The following MFHAS1 variants were observed in gnomAD, a reference collection of about 807,000 sequenced individuals.
MFHAS1 encodes the protein malignant fibrous histiocytoma-amplified sequence 1.
A neutral mutation model predicts 70.4 loss-of-function variants in MFHAS1; 50 were observed. The ratio of observed to expected loss-of-function variants is 0.71; its 90% CI spans 0.57 to 0.90. The LOEUF is 0.90. Among genes scored for constraint, MFHAS1 ranks in the 40% least tolerant of loss-of-function variants. The pLI, the probability that MFHAS1 is intolerant of heterozygous loss-of-function variation, is 0.00. For synonymous variants in MFHAS1, 952 were observed against 620.0 expected, an observed-to-expected ratio of 1.54 and a Z score of -7.96; for missense variants, 1,795 against 1,347.6, an observed-to-expected ratio of 1.33 and a Z score of -5.20.
At position 8,797,495 on chromosome 8, in the gene MFHAS1, TAGG is replaced by T. The variant is rs1805948074; in HGVS notation, c.2999-7_2999-5del. On this transcript the variant is annotated splice_region_variant and splice_polypyrimidine_tract_variant and intron_variant, in intron 1 of 2. Transcript: ENST00000276282. The stretch of plus-strand genomic sequence containing the variant: ...CTGGGCTGACTCAGCAACTCCCCTG[TAGG>T]AGGAGAGAGAAAAACGTGTTAGGGA... 6.2e-7 allele frequency: 1 copy of T among 1,612,666 alleles called. No individual in the cohort carries two copies. The highest frequency in any genetic ancestry group is 8.5e-7 in the Non-Finnish European group (1 of 1,179,000).
At position 8,785,694 on chromosome 8, in the gene MFHAS1, C is replaced by T; in HGVS notation, c.*328G>A. On this transcript the variant is annotated 3_prime_UTR_variant, in exon 3 of 3. Coordinates refer to ENST00000276282, the MANE Select transcript of MFHAS1 (RefSeq NM_004225.3). ...ACTGCCACCTGTACTGTAACTATGGCTTATATGTGCACGGAAAACAAAATC... is the reference window on the plus strand; with the variant it reads ...ACTGCCACCTGTACTGTAACTATGGTTTATATGTGCACGGAAAACAAAATC... 3.1e-6 allele frequency: 1 copy of T among 319,590 alleles called. No individual in the cohort carries two copies. The allele number at this position is 319,590 out of a possible 1,614,324, so 19.8% of individuals were successfully genotyped here.
intron 1 of MFHAS1, among the ~76,000 whole-genome samples, chr8:8,810,340 T>C (rs1446736347): frequency 2.6e-5 from 4 of 152,198 alleles, no homozygotes; most frequent in African/African-American, 9.7e-5. Context: ...TACTCCAGTA[T>C]GGGCGGCAAA....
chr8:8,862,480 A>C lies in MFHAS1; in HGVS notation c.2998+27581T>G, dbSNP rs116438508. On this transcript the variant is annotated intron_variant, in intron 1 of 2. Transcript: ENST00000276282. The stretch of plus-strand genomic sequence containing the variant: ...TCTTAACAGATCTTTTGAAGACCCA[A>C]AGTTTTAAATTTAGATTAAGTTAAA... Among the ~76,000 whole-genome samples, 989 of 152,058 alleles carry C rather than the reference A, an allele frequency of 6.5e-3. 13 individuals carry two copies. The highest frequency in any genetic ancestry group is 0.023 in the African/African-American group (947 of 41,458).
At chr8:8,867,870 C>T (rs1391687959) in intron 1 of MFHAS1, among the ~76,000 whole-genome samples, 2 of 152,056 alleles carry the variant, frequency 1.3e-5, no homozygotes, top group African/African-American at 4.8e-5. Context: ...AATTGCTATA[C>T]TTTTTTAGTA....
At chr8:8,806,538 T>C (rs1042296734) in intron 1 of MFHAS1, among the ~76,000 whole-genome samples, 1 of 152,228 alleles carries the variant, frequency 6.6e-6, no homozygotes, top group African/African-American at 2.4e-5. Context: ...ATCAAAGTTC[T>C]TTAAACTTAC....
intron 2 of MFHAS1, among the ~76,000 whole-genome samples, chr8:8,790,899 C>T (rs1443672059): frequency 6.6e-6 from 1 of 152,154 alleles, no homozygotes; most frequent in African/African-American, 2.4e-5. Context: ...AATTCCTGTG[C>T]AAAGTAACCA....
intron 1 of MFHAS1, among the ~76,000 whole-genome samples, chr8:8,798,238 T>C (rs28549049): frequency 0.11 from 16,753 of 152,240 alleles, 1,190 homozygotes; most frequent in African/African-American, 0.2. Flanking sequence ...CACCCTGCCC[T>C]TTCTCAGAGA....
At chr8:8,865,032 T>C (rs1367658281) in intron 1 of MFHAS1, among the ~76,000 whole-genome samples, 1 of 151,934 alleles carries the variant, frequency 6.6e-6, no homozygotes, top group Non-Finnish European at 1.5e-5. Flanking sequence ...TCCCAGCACT[T>C]GAGGAGGGCA....
At chr8:8,866,622 A>G (rs1268481918) in intron 1 of MFHAS1, among the ~76,000 whole-genome samples, 2 of 152,214 alleles carry the variant, frequency 1.3e-5, no homozygotes, top group Non-Finnish European at 2.9e-5. Flanking sequence ...TCAGCCAGTA[A>G]GGATCACTCT....
chr8:8,842,888 T>C (rs1311341055), intron 1 of MFHAS1, among the ~76,000 whole-genome samples: 2 of 152,238 alleles, frequency 1.3e-5, no homozygotes, highest in Admixed American at 6.5e-5. Flanking sequence ...AATTTCTCAC[T>C]TGGGCCTTTG....
chr8:8,846,261 AG>A (rs370241850), intron 1 of MFHAS1, among the ~76,000 whole-genome samples: 23,367 of 60,990 alleles, frequency 0.38, 3,262 homozygotes, highest in African/African-American at 0.52. Flanking sequence ...TCCAAAAAAA[AG>A]GGGGGGGGGG....
chr8:8,883,004 T>C (rs775691435), intron 1 of MFHAS1, among the ~76,000 whole-genome samples: 84 of 151,640 alleles, frequency 5.5e-4, no homozygotes, highest in Non-Finnish European at 7.7e-4. Flanking sequence ...AATACAAAAA[T>C]TAGCCAGGCA....
intron 1 of MFHAS1, among the ~76,000 whole-genome samples, chr8:8,834,805 T>C (rs1336477183): frequency 1.3e-5 from 2 of 152,218 alleles, no homozygotes; most frequent in Non-Finnish European, 2.9e-5. Flanking sequence ...GCCAGATCTG[T>C]GGTTCCTCAA....
chr8:8,800,470 G>C (rs151231411), intron 1 of MFHAS1, among the ~76,000 whole-genome samples: 1 of 152,196 alleles, frequency 6.6e-6, no homozygotes, highest in Non-Finnish European at 1.5e-5. Context: ...ACATCAACTA[G>C]TAAGTCAGAA....
intron 1 of MFHAS1, among the ~76,000 whole-genome samples, chr8:8,810,836 C>T (rs577091624): frequency 1.1e-4 from 16 of 152,212 alleles, no homozygotes; most frequent in African/African-American, 3.9e-4. Flanking sequence ...TGCTTCTTGT[C>T]TCCTAACATT....
chr8:8,825,761 A>C (rs907179), intron 1 of MFHAS1, among the ~76,000 whole-genome samples: 120,502 of 152,144 alleles, frequency 0.79, 47,816 homozygotes, highest in East Asian at 0.9. Flanking sequence ...AAGATTTCCA[A>C]ATATGAATTT....
Position 8,891,249 on chromosome 8 carries a change from G to A in MFHAS1, c.1810C>T (p.Arg604Ter). The A allele has an allele frequency of 1.9e-6, 3 of 1,612,228 alleles. No homozygotes were observed. The highest frequency in any genetic ancestry group is 2.5e-6 in the Non-Finnish European group (3 of 1,180,032). The change falls in exon 1 of 3, where the codon CGA becomes TGA. Residue 604 changes from arginine (R) to a stop codon, truncating the protein, a stop_gained. Transcript: ENST00000276282. LOFTEE classifies it high-confidence loss of function. This position sits in a 1 kb window ranked among gnomAD's most constrained non-coding sequence, Gnocchi z 5.4. ...AYYGVSDKNL[R>*]RRKAHFQYLL... ...TATTGAAAATGGGCCTTGCGCCGTCGAAGGTTCTTGTCCGAAACGCCATAG... is the reference window on the plus strand; with the variant it reads ...TATTGAAAATGGGCCTTGCGCCGTCAAAGGTTCTTGTCCGAAACGCCATAG...
At chr8:8,830,284 T>C (rs1231160069) in intron 1 of MFHAS1, among the ~76,000 whole-genome samples, 1 of 152,162 alleles carries the variant, frequency 6.6e-6, no homozygotes, top group East Asian at 1.9e-4. Context: ...TAGAGTCTGG[T>C]TCTATCTATA....
intron 1 of MFHAS1, among the ~76,000 whole-genome samples, chr8:8,803,090 C>T (rs370545494): frequency 1.3e-5 from 2 of 152,282 alleles, no homozygotes; most frequent in African/African-American, 4.8e-5. Flanking sequence ...TTCCCCAAAA[C>T]TGTAGGGATG....
Sources: allele counts gnomAD v4.1 joint callset (sites outside exome capture counted in the v4.1 genomes callset), GRCh38; gene constraint gnomAD v4.1.1; non-coding constraint Gnocchi (gnomAD v3.1); transcripts MANE v1.5; gene names NCBI Gene and HGNC (gene_info 2026-07-23, HGNC 2026-07-21).